CADPS: variants seen among roughly 807,000 people sequenced by gnomAD.
The protein encoded by CADPS is calcium-dependent secretion activator 1.
CADPS carries 57 observed loss-of-function variants against 167.3 expected under a neutral mutation model. The ratio of observed to expected loss-of-function variants is 0.34; its 90% confidence interval spans 0.28 to 0.42. The LOEUF is 0.42. CADPS is among the 20% of genes least tolerant of loss of function. The pLI is 1.00. For missense variants in CADPS, 1,414 were observed against 1,738.1 expected, an observed-to-expected ratio of 0.81 and a Z score of 3.32; for synonymous variants, 676 against 635.3, an observed-to-expected ratio of 1.06 and a Z score of -0.96.
At chr3:62,432,955 C>A (rs2054265181) in intron 28 of CADPS, among the ~76,000 whole-genome samples, 2 of 152,106 alleles carry the variant, frequency 1.3e-5, no homozygotes, top group South Asian at 4.1e-4. Flanking sequence ...CTTAGAAGTG[C>A]AACTTATTGT....
chr3:62,625,075 G>A (rs2063809142), intron 6 of CADPS, among the ~76,000 whole-genome samples: 1 of 150,494 alleles, frequency 6.6e-6, no homozygotes, highest in Non-Finnish European at 1.5e-5. Flanking sequence ...TGGAGGTGTG[G>A]GTAAGGCACT....
chr3:62,567,709 TGATTAC>T (rs945492214), intron 9 of CADPS, among the ~76,000 whole-genome samples: 8 of 151,304 alleles, frequency 5.3e-5, no homozygotes, highest in African/African-American at 1.9e-4. Flanking sequence ...CCTGTAGCTG[TGATTAC>T]AGGTGCGAGC....
intron 13 of CADPS, among the ~76,000 whole-genome samples, chr3:62,528,913 C>A (rs539608534): frequency 1.7e-4 from 26 of 152,170 alleles, no homozygotes; most frequent in African/African-American, 6.0e-4. Context: ...AATCCCAGCA[C>A]TTTAGGAGGC....
chr3:62,590,020 C>T (rs1578333752), intron 7 of CADPS, among the ~76,000 whole-genome samples: 1 of 152,140 alleles, frequency 6.6e-6, no homozygotes, highest in East Asian at 1.9e-4. Context: ...AAAACCCTGT[C>T]TCTACTAAAA....
intron 8 of CADPS, among the ~76,000 whole-genome samples, chr3:62,581,357 G>A (rs2083397782): frequency 1.4e-5 from 2 of 147,262 alleles, no homozygotes; most frequent in Admixed American, 7.0e-5. Flanking sequence ...CTTCTATTAT[G>A]TCTTTTCACA....
chr3:62,726,207 G>A (rs913389409), intron 3 of CADPS, among the ~76,000 whole-genome samples: 1 of 151,836 alleles, frequency 6.6e-6, no homozygotes, highest in African/African-American at 2.4e-5. Flanking sequence ...ACTGTCTGCA[G>A]CTATTGTTGG....
chr3:62,454,290 A>C (rs1415675912), intron 26 of CADPS, among the ~76,000 whole-genome samples: 2 of 152,214 alleles, frequency 1.3e-5, no homozygotes, highest in Non-Finnish European at 2.9e-5. Flanking sequence ...ATATTTAATA[A>C]CTGATAGTCA....
intron 3 of CADPS, among the ~76,000 whole-genome samples, chr3:62,733,730 G>A (rs1165674911): frequency 6.6e-6 from 1 of 152,044 alleles, no homozygotes; most frequent in African/African-American, 2.4e-5. Flanking sequence ...GGAAAAGGTG[G>A]TTTTTGGTTA....
intron 3 of CADPS, among the ~76,000 whole-genome samples, chr3:62,689,994 T>C (rs893891147): frequency 2.6e-5 from 4 of 151,986 alleles, no homozygotes; most frequent in African/African-American, 4.8e-5. Context: ...AAAGGAGTAA[T>C]AAGCATTTTA....
chr3:62,718,724 A>G (rs750459047), intron 3 of CADPS, among the ~76,000 whole-genome samples: 1 of 152,212 alleles, frequency 6.6e-6, no homozygotes, highest in Non-Finnish European at 1.5e-5. Context: ...ACAGAGTGCA[A>G]CCCACATTCC....
At chr3:62,565,890 C>T (rs1291514314) in intron 9 of CADPS, among the ~76,000 whole-genome samples, 1 of 152,200 alleles carries the variant, frequency 6.6e-6, no homozygotes, top group Admixed American at 6.5e-5. Context: ...TTAATTGTTA[C>T]ACGTTATAAG....
intron 3 of CADPS, among the ~76,000 whole-genome samples, chr3:62,738,465 T>C (rs1181627331): frequency 6.6e-6 from 1 of 152,150 alleles, no homozygotes; most frequent in Non-Finnish European, 1.5e-5. Context: ...GTCTCATGCC[T>C]GTAATCCCAG....
intron 28 of CADPS, among the ~76,000 whole-genome samples, chr3:62,410,551 C>T (rs753070705): frequency 2.0e-5 from 3 of 152,196 alleles, no homozygotes; most frequent in African/African-American, 7.2e-5. Context: ...AGAAAATGCA[C>T]GTGACTCAGA....
chr3:62,664,844 C>A (rs915441163), intron 3 of CADPS, among the ~76,000 whole-genome samples: 2 of 152,172 alleles, frequency 1.3e-5, no homozygotes, highest in African/African-American at 4.8e-5. Flanking sequence ...TAGAAGGCAA[C>A]TGGAAACAGC....
At position 62,496,073 on chromosome 3, in the gene CADPS, C is replaced by CTT. The variant is rs56913608; in HGVS notation, c.2707-2410_2707-2409dup. Among the ~76,000 whole-genome samples, 204 of 140,620 alleles carry CTT rather than the reference C, an allele frequency of 1.5e-3. 2 individuals carry two copies. Among genetic ancestry groups the CTT allele is most frequent in the East Asian group, 5.7e-3 (27 of 4,770 alleles). The allele number at this position is 140,620 out of a possible 152,430, so 92.3% of individuals were successfully genotyped here. A position where few individuals can be genotyped will look rare whatever the true frequency, so the allele number is the denominator to read the frequency against. ...TAGTCTTTTGTTTTTCTTTTCTTTT[C>CTT]TTTTTTTTTTTTTTAATATACTGAG... is the stretch of plus-strand genomic sequence containing the variant. On this transcript the variant is annotated intron_variant, in intron 18 of 29. Coordinates refer to ENST00000383710, the MANE Select transcript of CADPS (RefSeq NM_003716.4).
Position 62,536,509 on chromosome 3 carries a change from G to A in CADPS, c.2039C>T (p.Ser680Phe), listed in dbSNP as rs200179449. Residue 680 changes from serine (S) to phenylalanine (F), a missense_variant, in exon 12 of 30, where the codon TCC (serine) becomes TTC (phenylalanine). Physicochemically the swap from Ser to Phe is radical, Grantham distance 155. Around this residue, in one of 6 missense-constraint regions of CADPS, gnomAD observed 529 missense variants for 629.6 expected, o/e 0.84. Transcript: ENST00000383710. ...SSNPCNFDHASLFEMVQRLTL... is the reference protein window; with the variant it reads ...SSNPCNFDHAFLFEMVQRLTL... ...AAGGCGTTGTACCATCTCAAAGAGG[G>A]AAGCGTGGTCAAAGTTACAGGGGTT... is the stretch of plus-strand genomic sequence containing the variant. 1.2e-6 allele frequency: 2 copies of A among 1,613,266 alleles called. No homozygotes were observed. Among genetic ancestry groups the A allele is most frequent in the Middle Eastern group, 1.7e-4 (1 of 6,060 alleles).
At chr3:62,493,549 TGTGATCTATTA>T (rs1390570307) in intron 19 of CADPS, 85 bp downstream of exon 19, 1 of 905,016 alleles carries the variant, frequency 1.1e-6, no homozygotes, top group East Asian at 2.7e-5. Flanking sequence ...CAAGCTCTTC[TGTGATCTATTA>T]GTTATTAGAG....
At chr3:62,740,289 A>C (rs901974543) in intron 3 of CADPS, among the ~76,000 whole-genome samples, 2 of 152,238 alleles carry the variant, frequency 1.3e-5, no homozygotes, top group African/African-American at 4.8e-5. Flanking sequence ...CATGTGCACA[A>C]GCACATCTCA....
At chr3:62,838,285 C>T (rs1418412746) in intron 1 of CADPS, among the ~76,000 whole-genome samples, 1 of 152,142 alleles carries the variant, frequency 6.6e-6, no homozygotes, top group African/African-American at 2.4e-5. Flanking sequence ...GTGGGCTACA[C>T]AATTGAAAGT....
Sources: allele counts gnomAD v4.1 joint callset (sites outside exome capture counted in the v4.1 genomes callset), GRCh38; gene constraint gnomAD v4.1.1; regional missense constraint gnomAD v4.1.1; transcripts MANE v1.5; gene names NCBI Gene and HGNC (gene_info 2026-07-23, HGNC 2026-07-21).